Variants in PCDH15 observed in about 807,000 individuals in gnomAD.
PCDH15 encodes protocadherin related 15.
In PCDH15, 129 loss-of-function variants were observed where a neutral mutation model predicts 178.5. The observed-to-expected ratio is 0.72, with a 90% CI of 0.63 to 0.84. The LOEUF (loss-of-function observed/expected upper bound fraction) is 0.84, where lower values mean the gene tolerates loss of function less well. Among genes scored for constraint, PCDH15 ranks in the 40% least tolerant of loss-of-function variants. PCDH15 has a pLI of 0.00. For missense variants in PCDH15, 2,230 were observed against 2,099.9 expected (o/e 1.06, Z -1.21); for synonymous variants, 800 against 732.0 (o/e 1.09, Z -1.50).
At chr10:55,236,831 A>G (rs1278109481) in intron 1 of PCDH15, among the ~76,000 whole-genome samples, 1 of 151,976 alleles carries the variant, frequency 6.6e-6, no homozygotes, top group Non-Finnish European at 1.5e-5. Context: ...GTTTTAAAAT[A>G]CACCACATAA....
At chr10:54,519,600 A>G (rs1025054172) in intron 3 of PCDH15, among the ~76,000 whole-genome samples, 3 of 152,252 alleles carry the variant, frequency 2.0e-5, no homozygotes, top group South Asian at 2.1e-4. Context: ...ATGCTCATGG[A>G]TAGGAAGAAT....
At chr10:54,291,587 GA>G (rs1479155378) in intron 8 of PCDH15, among the ~76,000 whole-genome samples, 1 of 152,118 alleles carries the variant, frequency 6.6e-6, no homozygotes, top group Non-Finnish European at 1.5e-5. Context: ...GACTAATAAA[GA>G]GGAAAAGAGA....
chr10:54,873,355 G>C (rs1277898128), intron 3 of PCDH15, among the ~76,000 whole-genome samples: 1 of 151,660 alleles, frequency 6.6e-6, no homozygotes, highest in Non-Finnish European at 1.5e-5. Flanking sequence ...ATTGTTAAAA[G>C]GACTAAATGT....
chr10:54,238,890 T>G (rs2054930499), intron 8 of PCDH15, among the ~76,000 whole-genome samples: 1 of 152,102 alleles, frequency 6.6e-6, no homozygotes, highest in African/African-American at 2.4e-5. Flanking sequence ...CAGCTTATAC[T>G]TAAGCTGTAT....
At chr10:55,128,668 C>T (rs1054276869) in intron 2 of PCDH15, among the ~76,000 whole-genome samples, 1 of 152,044 alleles carries the variant, frequency 6.6e-6, no homozygotes, top group Non-Finnish European at 1.5e-5. Context: ...CCTTGCCTCA[C>T]TCTGCCCTCC....
intron 2 of PCDH15, among the ~76,000 whole-genome samples, chr10:55,362,069 T>A (rs530428011): frequency 2.6e-5 from 4 of 152,122 alleles, no homozygotes; most frequent in Non-Finnish European, 5.9e-5. Flanking sequence ...GATGCTTATA[T>A]CATCTGTGGC....
At chr10:54,719,926 T>C (rs541507604) in intron 1 of PCDH15, among the ~76,000 whole-genome samples, 1 of 152,276 alleles carries the variant, frequency 6.6e-6, no homozygotes, top group Non-Finnish European at 1.5e-5. Flanking sequence ...CAGTCTACTA[T>C]TGATGGGTAT....
intron 3 of PCDH15, among the ~76,000 whole-genome samples, chr10:54,451,310 A>G (rs1047460412): frequency 2.0e-5 from 3 of 151,910 alleles, no homozygotes; most frequent in African/African-American, 7.2e-5. Context: ...GACTTCATAA[A>G]TAATGCATGA....
intron 37 of PCDH15, among the ~76,000 whole-genome samples, chr10:53,807,759 G>C (rs1026076178): frequency 6.6e-6 from 1 of 152,044 alleles, no homozygotes; most frequent in Non-Finnish European, 1.5e-5. Flanking sequence ...TAACTTAAAA[G>C]GAAATATCTT....
intron 3 of PCDH15, among the ~76,000 whole-genome samples, chr10:54,842,845 G>T (rs1393457830): frequency 6.6e-6 from 1 of 151,924 alleles, no homozygotes; most frequent in East Asian, 1.9e-4. Context: ...TTAATAGCAA[G>T]CAGCTTTCAT....
intron 3 of PCDH15, among the ~76,000 whole-genome samples, chr10:54,811,326 C>T (rs527332652): frequency 9.2e-5 from 14 of 152,062 alleles, no homozygotes; most frequent in South Asian, 6.2e-4. Flanking sequence ...AGCACTGATG[C>T]GGTGTTTGAT....
chr10:54,065,177 A>ATT (rs1364712619), intron 18 of PCDH15, among the ~76,000 whole-genome samples: 4 of 152,160 alleles, frequency 2.6e-5, no homozygotes, highest in African/African-American at 9.7e-5. Context: ...ATTGCAGCTA[A>ATT]TTACTCTCAG....
Position 54,212,394 on chromosome 10 carries a change from G to A in PCDH15, c.1098+1542C>T, listed in dbSNP as rs183089834. On this transcript the variant is annotated intron_variant, in intron 10 of 37. Coordinates refer to ENST00000644397, the MANE Select transcript of PCDH15 (RefSeq NM_001384140.1). The stretch of plus-strand genomic sequence containing the variant: ...TGTAGTCATCCTTCAGGCTCTCTCC[G>A]TGGTCTGACGCTATACCTCATTTCC... 3.7e-4 allele frequency among the ~76,000 whole-genome samples: 57 copies of A among 152,182 alleles called. 1 individual carries two copies. In the East Asian group the frequency reaches 0.01, roughly 27 times the overall value.
chr10:55,538,664 CACA>C (rs1841669571), intron 2 of PCDH15, among the ~76,000 whole-genome samples: 2 of 4,092 alleles, frequency 4.9e-4, no homozygotes, highest in African/African-American at 1.0e-3. Context: ...TCCTTCCTTC[CACA>C]TTTCCTTGCT....
At chr10:54,419,704 C>T (rs990824939) in intron 3 of PCDH15, among the ~76,000 whole-genome samples, 4 of 152,066 alleles carry the variant, frequency 2.6e-5, no homozygotes, top group African/African-American at 9.7e-5. Context: ...TATTTCTCCC[C>T]AACTATCAAT....
intron 26 of PCDH15, among the ~76,000 whole-genome samples, chr10:53,869,988 T>TTA (rs774711054): frequency 6.6e-6 from 1 of 152,176 alleles, no homozygotes; most frequent in Non-Finnish European, 1.5e-5. Flanking sequence ...TTCTAAGCCC[T>TTA]TATATTTAAA....
At position 55,361,927 on chromosome 10, in the gene PCDH15, A is replaced by G. The variant is rs567934968; in HGVS notation, c.-155-195276T>C. On this transcript the variant is annotated intron_variant, in intron 2 of 5. Transcript: ENST00000613346. Reference sequence around the variant, plus strand: ...TGAAGGGGGGCTAAATAATTCATGTATTACGTTTACCATGGACCTTCTCTA... The same window carrying G: ...TGAAGGGGGGCTAAATAATTCATGTGTTACGTTTACCATGGACCTTCTCTA... Among the ~76,000 whole-genome samples, 3 of 152,202 alleles carry G rather than the reference A, an allele frequency of 2.0e-5. No homozygotes were observed. The South Asian group carries it at 6.2e-4, about 32-fold the overall frequency.
chr10:55,497,058 C>T (rs952457385), intron 2 of PCDH15, among the ~76,000 whole-genome samples: 7 of 151,556 alleles, frequency 4.6e-5, no homozygotes, highest in Non-Finnish European at 8.8e-5. Context: ...CAGGCTAGAA[C>T]AAATGAATTT....
chr10:55,067,001 G>T (rs1464154699), intron 2 of PCDH15, among the ~76,000 whole-genome samples: 1 of 151,836 alleles, frequency 6.6e-6, no homozygotes, highest in Admixed American at 6.6e-5. Context: ...TTCTATGCAT[G>T]TAATAAACAC....
Sources: allele counts gnomAD v4.1 joint callset (sites outside exome capture counted in the v4.1 genomes callset), GRCh38; gene constraint gnomAD v4.1.1; transcripts MANE v1.5; gene names NCBI Gene and HGNC (gene_info 2026-07-23, HGNC 2026-07-21).